Variants in PPARGC1A observed in about 807,000 individuals in gnomAD.
The protein encoded by PPARGC1A is PPARG coactivator 1 alpha.
A neutral mutation model predicts 88.7 loss-of-function variants in PPARGC1A; 25 were observed. That is an observed-to-expected ratio of 0.28 (90% CI 0.21 to 0.39). The LOEUF (loss-of-function observed/expected upper bound fraction) is 0.39. PPARGC1A is among the 10% of genes least tolerant of loss of function. The probability of loss-of-function intolerance (pLI) is 1.00; values close to 1 mark genes in which losing one functional copy is unlikely to be tolerated. For missense variants in PPARGC1A, 880 were observed against 968.7 expected (o/e 0.91, Z 1.22); for synonymous variants, 363 against 355.6 (o/e 1.02, Z -0.24).
chr4:24,259,082 C>T, the PPARGC1A span, among the ~76,000 whole-genome samples: 2 of 152,146 alleles, frequency 1.3e-5, no homozygotes, highest in African/African-American at 4.8e-5. Context: ...AAGTCATAGA[C>T]ACCAATCCCA....
chr4:24,270,655 TA>T, the PPARGC1A span, among the ~76,000 whole-genome samples: 1 of 152,154 alleles, frequency 6.6e-6, no homozygotes, highest in Non-Finnish European at 1.5e-5. Flanking sequence ...TTGTGTAACT[TA>T]TGAGGATTAC....
chr4:24,376,090 C>A, the PPARGC1A span, among the ~76,000 whole-genome samples: 1 of 151,782 alleles, frequency 6.6e-6, no homozygotes, highest in African/African-American at 2.4e-5. Flanking sequence ...TTAAAGAACA[C>A]CTAACAGCCC....
chr4:24,314,310 T>G, the PPARGC1A span, among the ~76,000 whole-genome samples: 2 of 152,164 alleles, frequency 1.3e-5, no homozygotes, highest in African/African-American at 4.8e-5. Flanking sequence ...TATTGAGAAG[T>G]GGAACCTTTT....
At chr4:24,222,034 G>A in the PPARGC1A span, among the ~76,000 whole-genome samples, 312 of 152,226 alleles carry the variant, frequency 2.0e-3, no homozygotes, top group African/African-American at 7.2e-3. Context: ...CTGGGGGGAA[G>A]GTAAAGGGTA....
Position 23,802,279 on chromosome 4 carries a change from G to T in PPARGC1A, c.2086C>A (p.Arg696Ser). The change falls in exon 11 of 13, where the codon CGT becomes AGT. Residue 696 changes from arginine (R) to serine (S), a missense_variant. Coordinates refer to ENST00000264867, the MANE Select transcript of PPARGC1A (RefSeq NM_013261.5). ...TCAATTTCACCAAAAACTTCAAAAC[G>T]GTCCCTCAGTTCTGTCCGTGTTGTG... is the stretch of plus-strand genomic sequence containing the variant. ...PDTTRTELRD[R>S]FEVFGEIEEC... is the part of the protein sequence containing the mutation. The T allele has an allele frequency of 1.2e-6, 2 of 1,613,322 alleles. No homozygotes were observed. Among genetic ancestry groups the T allele is most frequent in the South Asian group, 1.1e-5 (1 of 91,040 alleles).
rs753923087 is a variant in PPARGC1A, at chr4:23,802,234, G to T, written c.2131C>A (p.Arg711=). ...CTTGAAGATTCTCACCCATCATCCC[G>T]CAGATTTACTGTGCACTCCTCAATT... ...GEIEECTVNL[R]DDGDSYGFIT... The change falls in exon 11 of 13, where the codon CGG becomes AGG. Residue 711 remains arginine (R), a synonymous_variant. Transcript: ENST00000264867. 1 of 1,613,872 alleles carries T rather than the reference G, an allele frequency of 6.2e-7. No homozygotes were observed. The highest frequency in any genetic ancestry group is 1.7e-5 in the Admixed American group (1 of 59,992).
chr4:24,356,938 A>G, the PPARGC1A span, among the ~76,000 whole-genome samples: 1 of 152,220 alleles, frequency 6.6e-6, no homozygotes, highest in Non-Finnish European at 1.5e-5. Context: ...CTAAAAGCTA[A>G]GACACTCTCT....
chr4:23,958,792 A>G, the PPARGC1A span, among the ~76,000 whole-genome samples: 1 of 152,136 alleles, frequency 6.6e-6, no homozygotes, highest in Non-Finnish European at 1.5e-5. Context: ...ACATGGAATA[A>G]AAATAGATTG....
At chr4:24,178,106 C>T in the PPARGC1A span, among the ~76,000 whole-genome samples, 1 of 152,172 alleles carries the variant, frequency 6.6e-6, no homozygotes, top group Non-Finnish European at 1.5e-5. Context: ...GCCTTTGAGC[C>T]TATTGTATAA....
chr4:23,936,768 G>A, the PPARGC1A span, among the ~76,000 whole-genome samples: 1 of 152,166 alleles, frequency 6.6e-6, no homozygotes, highest in Non-Finnish European at 1.5e-5. Flanking sequence ...CTACTCGGGA[G>A]GCTGAGGCAG....
upstream of PPARGC1A, among the ~76,000 whole-genome samples, chr4:23,893,653 C>G (rs186031303): frequency 1.4e-4 from 22 of 152,108 alleles, no homozygotes; most frequent in Admixed American, 2.6e-4. Flanking sequence ...AAAAGGTGAC[C>G]AAGAGCTTCA....
the PPARGC1A span, among the ~76,000 whole-genome samples, chr4:24,213,222 A>T: frequency 7.1e-5 from 10 of 141,144 alleles, no homozygotes; most frequent in African/African-American, 2.7e-4. Context: ...GCTGGAGTGC[A>T]GTGGCGCGAT....
At chr4:23,920,140 A>G in the PPARGC1A span, among the ~76,000 whole-genome samples, 13 of 152,248 alleles carry the variant, frequency 8.5e-5, no homozygotes, top group African/African-American at 3.1e-4. Context: ...AAGAAATCCC[A>G]TCACAAGCTG....
At chr4:24,105,613 T>A in the PPARGC1A span, among the ~76,000 whole-genome samples, 5 of 152,184 alleles carry the variant, frequency 3.3e-5, no homozygotes, top group Non-Finnish European at 4.4e-5. Context: ...TCCTCCATGA[T>A]GCCTATGTTA....
chr4:24,363,395 T>C, the PPARGC1A span, among the ~76,000 whole-genome samples: 2 of 152,244 alleles, frequency 1.3e-5, no homozygotes, highest in Non-Finnish European at 2.9e-5. Context: ...GAAGTACTTT[T>C]AACATTCAGA....
At chr4:23,823,020 T>C (rs1014279406) in intron 7 of PPARGC1A, among the ~76,000 whole-genome samples, 1 of 151,976 alleles carries the variant, frequency 6.6e-6, no homozygotes, top group Non-Finnish European at 1.5e-5. Flanking sequence ...AGTACCCCAA[T>C]AGACTAAACA....
chr4:23,899,180 A>T (rs2148876054), intron 1 of PPARGC1A: 1 of 152,306 alleles, frequency 6.6e-6, no homozygotes, highest in South Asian at 2.1e-4. Flanking sequence ...CCATGTTAGT[A>T]GATCCATTTG....
chr4:24,028,071 G>A, the PPARGC1A span, among the ~76,000 whole-genome samples: 2 of 151,904 alleles, frequency 1.3e-5, no homozygotes, highest in Admixed American at 1.3e-4. Flanking sequence ...CAACGAAAAT[G>A]GAAACAGCTG....
intron 10 of PPARGC1A, among the ~76,000 whole-genome samples, chr4:23,807,603 A>T (rs1448469304): frequency 6.6e-6 from 1 of 152,246 alleles, no homozygotes; most frequent in Non-Finnish European, 1.5e-5. Flanking sequence ...ATATATCAAA[A>T]AACTGTACAT....
Sources: gnomAD v4.1 joint callset for allele counts (sites outside exome capture counted in the v4.1 genomes callset) on GRCh38, gnomAD v4.1.1 for gene constraint, MANE v1.5 for transcripts, NCBI Gene and HGNC (gene_info 2026-07-23, HGNC 2026-07-21) for gene names.